Variants in NCALD observed in about 807,000 individuals in gnomAD.
NCALD encodes neurocalcin-delta.
Under a neutral mutation model 18.6 loss-of-function variants are expected in NCALD, and 10 were observed. That is an observed-to-expected ratio of 0.54 (90% CI 0.33 to 0.91). The LOEUF (loss-of-function observed/expected upper bound fraction) is 0.91. Among genes scored for constraint, NCALD ranks in the 40% least tolerant of loss-of-function variants. NCALD has a pLI of 0.03. For synonymous variants in NCALD, 88 were observed against 87.4 expected, an observed-to-expected ratio of 1.01 and a Z score of -0.04; for missense variants, 184 against 247.6, an observed-to-expected ratio of 0.74 and a Z score of 1.72.
At chr8:101,823,792 C>T (rs1333174536) in intron 4 of NCALD, among the ~76,000 whole-genome samples, 2 of 152,148 alleles carry the variant, frequency 1.3e-5, no homozygotes, top group African/African-American at 4.8e-5. Context: ...TGGAGGCTGA[C>T]AACCACCCAG....
intron 4 of NCALD, among the ~76,000 whole-genome samples, chr8:101,880,862 A>G (rs1365494782): frequency 6.6e-6 from 1 of 152,202 alleles, no homozygotes; most frequent in Non-Finnish European, 1.5e-5. Context: ...GGAATAAGAT[A>G]TGGGGACAAG....
At chr8:101,765,680 A>G (rs928117778) in intron 1 of NCALD, among the ~76,000 whole-genome samples, 6 of 152,144 alleles carry the variant, frequency 3.9e-5, no homozygotes, top group African/African-American at 1.4e-4. Context: ...GTATCTTCCA[A>G]ACTCAAAGCA....
At chr8:101,886,455 G>A (rs181057599) in intron 4 of NCALD, among the ~76,000 whole-genome samples, 39 of 152,282 alleles carry the variant, frequency 2.6e-4, no homozygotes, top group African/African-American at 8.7e-4. Context: ...TAAGCCATAT[G>A]ACTTTGCCTG....
chr8:101,858,870 G>T (rs1453774074), intron 4 of NCALD, among the ~76,000 whole-genome samples: 1 of 151,932 alleles, frequency 6.6e-6, no homozygotes, highest in Non-Finnish European at 1.5e-5. Flanking sequence ...AATCTCCAAA[G>T]AAAAACATGC....
chr8:101,908,150 AAGAT>A (rs1817670991), intron 3 of NCALD, among the ~76,000 whole-genome samples: 1 of 152,212 alleles, frequency 6.6e-6, no homozygotes, highest in Non-Finnish European at 1.5e-5. Context: ...CAAGGACAAT[AAGAT>A]AGGAATAAAT....
At chr8:102,119,672 C>T (rs902066101) in intron 1 of NCALD, among the ~76,000 whole-genome samples, 27 of 152,210 alleles carry the variant, frequency 1.8e-4, no homozygotes, top group African/African-American at 5.3e-4. Context: ...CCTCAGGAAA[C>T]AAAATGCAAG....
intron 1 of NCALD, among the ~76,000 whole-genome samples, chr8:101,756,980 C>A (rs546555944): frequency 6.6e-6 from 1 of 152,264 alleles, no homozygotes; most frequent in Non-Finnish European, 1.5e-5. Flanking sequence ...ATACTGGCTC[C>A]CTTCTTAGTC....
At chr8:101,749,935 G>A (rs1169648644) in intron 1 of NCALD, 1 of 152,406 alleles carries the variant, frequency 6.6e-6, no homozygotes, top group Non-Finnish European at 1.5e-5. Context: ...GTACTTGTCT[G>A]TTCTCATGCT....
intron 2 of NCALD, among the ~76,000 whole-genome samples, chr8:101,938,928 T>C (rs541820247): frequency 3.9e-5 from 6 of 152,378 alleles, no homozygotes; most frequent in African/African-American, 1.4e-4. Flanking sequence ...GTGTATTCAT[T>C]CAAAGGATGG....
chr8:101,861,974 A>G (rs911964211), intron 4 of NCALD, among the ~76,000 whole-genome samples: 11 of 152,212 alleles, frequency 7.2e-5, no homozygotes, highest in Non-Finnish European at 1.5e-4. Context: ...GCAATCATTT[A>G]TATTACAATT....
At chr8:101,853,413 C>G (rs533162658) in intron 4 of NCALD, among the ~76,000 whole-genome samples, 1 of 152,216 alleles carries the variant, frequency 6.6e-6, no homozygotes, top group South Asian at 2.1e-4. Context: ...GAAACACCTT[C>G]ATTATGGCAA....
chr8:101,845,482 T>C (rs1814829405), intron 4 of NCALD, among the ~76,000 whole-genome samples: 1 of 152,230 alleles, frequency 6.6e-6, no homozygotes. Context: ...AAGCCATCCC[T>C]ATTGGTCCCA....
At chr8:101,784,165 G>C (rs1005575035) in intron 1 of NCALD, among the ~76,000 whole-genome samples, 2 of 152,050 alleles carry the variant, frequency 1.3e-5, no homozygotes, top group African/African-American at 4.8e-5. Flanking sequence ...CCTGATGACC[G>C]GGCCTGGAGT....
chr8:101,909,903 T>A (rs185039603), intron 3 of NCALD, among the ~76,000 whole-genome samples: 4 of 152,308 alleles, frequency 2.6e-5, no homozygotes, highest in Admixed American at 2.0e-4. Context: ...AACGTATGCA[T>A]CTACCTATGT....
chr8:101,961,946 G>A (rs1336265743), intron 2 of NCALD, among the ~76,000 whole-genome samples: 1 of 151,982 alleles, frequency 6.6e-6, no homozygotes, highest in African/African-American at 2.4e-5. Context: ...GTAAAATCTG[G>A]CATTTCACTC....
At chr8:102,086,034 C>G (rs571784236) in intron 1 of NCALD, among the ~76,000 whole-genome samples, 3 of 152,186 alleles carry the variant, frequency 2.0e-5, no homozygotes, top group African/African-American at 7.2e-5. Flanking sequence ...AAAGAGTCAG[C>G]AGTAAACATT....
chr8:101,798,256 C>T (rs951363066), intron 4 of NCALD, among the ~76,000 whole-genome samples: 2 of 151,916 alleles, frequency 1.3e-5, no homozygotes, highest in African/African-American at 2.4e-5. Context: ...TATAGGAAAC[C>T]CCAAGGAATC....
intron 1 of NCALD, among the ~76,000 whole-genome samples, chr8:101,765,147 C>T (rs544242279): frequency 1.3e-5 from 2 of 152,336 alleles, no homozygotes; most frequent in Admixed American, 6.5e-5. Context: ...CTAATATAGA[C>T]TTCTATACAC....
At chr8:101,920,205 C>T (rs978475723) in intron 2 of NCALD, among the ~76,000 whole-genome samples, 9 of 152,104 alleles carry the variant, frequency 5.9e-5, no homozygotes, top group African/African-American at 2.2e-4. Flanking sequence ...TATAGTGAGA[C>T]ATGATTGTGC....
Sources: gnomAD v4.1 joint callset for allele counts (sites outside exome capture counted in the v4.1 genomes callset) on GRCh38, gnomAD v4.1.1 for gene constraint, MANE v1.5 for transcripts, NCBI Gene and HGNC (gene_info 2026-07-23, HGNC 2026-07-21) for gene names.